The following TACR1 variants were observed in gnomAD, a reference collection of about 807,000 sequenced individuals.
TACR1 encodes the protein tachykinin receptor 1.
A neutral mutation model predicts 35.8 loss-of-function variants in TACR1; 25 were observed. That is an observed-to-expected ratio of 0.70 (90% CI 0.51 to 0.98). The LOEUF is 0.98. Among genes scored for constraint, TACR1 ranks in the 50% least tolerant of loss-of-function variants. TACR1 has a pLI of 0.00. For synonymous variants in TACR1, 195 were observed against 206.7 expected (o/e 0.94, Z 0.48); for missense variants, 478 against 522.9 (o/e 0.91, Z 0.84).
At chr2:75,167,894 C>T (rs1055642623) in intron 1 of TACR1, among the ~76,000 whole-genome samples, 29 of 152,154 alleles carry the variant, frequency 1.9e-4, no homozygotes, top group African/African-American at 7.0e-4. Flanking sequence ...TACCATTGTT[C>T]ACTCATCAAA....
rs561350321 is a variant in TACR1, at chr2:75,120,612, G to C, written c.546C>G (p.Ile182Met). The C allele has an allele frequency of 6.8e-6, 11 of 1,609,952 alleles. No individual in the cohort carries two copies. Among genetic ancestry groups the C allele is most frequent in the African/African-American group, 2.7e-5 (2 of 74,688 alleles). ...TCTTGTTCGGATGCTCTGGCCATTC[G>C]ATCATGCACACGACTCTGCTGGGCA... is the stretch of plus-strand genomic sequence containing the variant. ...ETMPSRVVCM[I>M]EWPEHPNKIY... is the part of the protein sequence containing the mutation. The change falls in exon 2 of 5, where the codon ATC becomes ATG. Residue 182 changes from isoleucine to methionine, a missense_variant. By Grantham distance (10) the Ile-to-Met change is conservative. Transcript: ENST00000305249.
intron 2 of TACR1, among the ~76,000 whole-genome samples, chr2:75,105,841 C>G (rs1220836400): frequency 6.6e-6 from 1 of 151,752 alleles, no homozygotes; most frequent in Non-Finnish European, 1.5e-5. Context: ...CACAAAAAAC[C>G]TGATCACTAT....
At chr2:75,059,689 C>T (rs577342443) in intron 2 of TACR1, among the ~76,000 whole-genome samples, 11 of 152,214 alleles carry the variant, frequency 7.2e-5, no homozygotes, top group Non-Finnish European at 1.5e-4. Flanking sequence ...AAACCTGAAT[C>T]TGCAAACCTC....
intron 1 of TACR1, among the ~76,000 whole-genome samples, chr2:75,183,368 A>AT (rs1214321068): frequency 6.6e-6 from 1 of 152,234 alleles, no homozygotes; most frequent in African/African-American, 2.4e-5. Flanking sequence ...ATTTTTAAAA[A>AT]TTGCAGCGTT....
chr2:75,092,155 G>T (rs762876547), intron 2 of TACR1, among the ~76,000 whole-genome samples: 7 of 152,150 alleles, frequency 4.6e-5, no homozygotes, highest in Non-Finnish European at 7.4e-5. Flanking sequence ...GTAGGGTGAC[G>T]TAAGAGAGGG....
chr2:75,157,312 C>T (rs1674887414), intron 1 of TACR1, among the ~76,000 whole-genome samples: 1 of 152,318 alleles, frequency 6.6e-6, no homozygotes, highest in East Asian at 1.9e-4. Flanking sequence ...TAGTCCTCCT[C>T]ACCCACCTAT....
At chr2:75,096,110 T>C (rs1200400798) in intron 2 of TACR1, among the ~76,000 whole-genome samples, 2 of 152,222 alleles carry the variant, frequency 1.3e-5, no homozygotes, top group Non-Finnish European at 2.9e-5. Flanking sequence ...CCTCTTCATC[T>C]GTGAAGCAAT....
chr2:75,186,183 C>T (rs1442352049), intron 1 of TACR1, among the ~76,000 whole-genome samples: 1 of 151,594 alleles, frequency 6.6e-6, no homozygotes, highest in Admixed American at 6.6e-5. Flanking sequence ...ATCATCCTGG[C>T]TAACATGGTG....
At position 75,061,058 on chromosome 2, in the gene TACR1, A is replaced by G. The variant is rs3771805; in HGVS notation, c.585-7303T>C. On this transcript the variant is annotated intron_variant, in intron 2 of 4. Coordinates refer to ENST00000305249, the MANE Select transcript of TACR1 (RefSeq NM_001058.4). The stretch of plus-strand genomic sequence containing the variant: ...TGAGGGCCAGCAGTTAGATGTCTGT[A>G]TCTGGATTTGGGCTGGTATTAGATT... Among the ~76,000 whole-genome samples, 493 of 152,234 alleles carry G rather than the reference A, an allele frequency of 3.2e-3. 23 individuals carry two copies. In the East Asian group the frequency reaches 0.085, roughly 26 times the overall value.
chr2:75,167,747 A>G (rs1341521534), intron 1 of TACR1, among the ~76,000 whole-genome samples: 2 of 152,208 alleles, frequency 1.3e-5, no homozygotes, highest in Non-Finnish European at 2.9e-5. Context: ...TGTCAAAAAG[A>G]TCTCAGAAAA....
chr2:75,088,720 G>A (rs1304690474), intron 2 of TACR1, among the ~76,000 whole-genome samples: 2 of 152,100 alleles, frequency 1.3e-5, no homozygotes, highest in Admixed American at 1.3e-4. Context: ...CATGTGTGGG[G>A]TGATGGGGGT....
chr2:75,159,794 G>A (rs955336461), intron 1 of TACR1, among the ~76,000 whole-genome samples: 8 of 152,174 alleles, frequency 5.3e-5, no homozygotes, highest in Non-Finnish European at 1.0e-4. Context: ...GGGTCTGGGT[G>A]GCAGTTAAAA....
chr2:75,087,671 C>T (rs901308268), intron 2 of TACR1, among the ~76,000 whole-genome samples: 3 of 152,330 alleles, frequency 2.0e-5, no homozygotes, highest in Non-Finnish European at 2.9e-5. Flanking sequence ...ACTCCCCTCA[C>T]CTCTTGCCAT....
At chr2:75,130,785 A>G (rs1461187072) in intron 1 of TACR1, among the ~76,000 whole-genome samples, 3 of 152,256 alleles carry the variant, frequency 2.0e-5, no homozygotes, top group African/African-American at 4.8e-5. Flanking sequence ...AAAAGTTAGT[A>G]GTTATTTTAA....
chr2:75,076,485 G>A (rs980514123), intron 2 of TACR1, among the ~76,000 whole-genome samples: 2 of 152,190 alleles, frequency 1.3e-5, no homozygotes, highest in Non-Finnish European at 2.9e-5. Flanking sequence ...TCAATTAGGA[G>A]GTGAGAGAGG....
chr2:75,099,840 G>C (rs907294666), intron 2 of TACR1, among the ~76,000 whole-genome samples: 8 of 152,104 alleles, frequency 5.3e-5, no homozygotes, highest in African/African-American at 1.9e-4. Context: ...TGTCCCCAAG[G>C]TTGTAAATCC....
At chr2:75,120,905 C>G in intron 1 of TACR1, 137 bp from the exon 2 acceptor site, 1 of 754,254 alleles carries the variant, frequency 1.3e-6, no homozygotes, top group Admixed American at 3.2e-5. Context: ...TTTTCCAATT[C>G]CTTTTCCATA....
chr2:75,177,532 A>G (rs993553681), intron 1 of TACR1, among the ~76,000 whole-genome samples: 1 of 152,140 alleles, frequency 6.6e-6, no homozygotes, highest in Admixed American at 6.5e-5. Context: ...TTTCCAGTTC[A>G]TGCACTTTTT....
chr2:75,171,103 C>G (rs1486564549), intron 1 of TACR1, among the ~76,000 whole-genome samples: 2 of 152,182 alleles, frequency 1.3e-5, no homozygotes, highest in Non-Finnish European at 2.9e-5. Flanking sequence ...CACTGCAGCC[C>G]CTCCCATCAC....
Sources: gnomAD v4.1 joint callset for allele counts (sites outside exome capture counted in the v4.1 genomes callset) on GRCh38, gnomAD v4.1.1 for gene constraint, MANE v1.5 for transcripts, NCBI Gene and HGNC (gene_info 2026-07-23, HGNC 2026-07-21) for gene names.